The following HDAC4 variants were observed in gnomAD, a reference collection of about 807,000 sequenced individuals.
HDAC4 encodes the protein histone deacetylase A.
Under a neutral mutation model 135.1 loss-of-function variants are expected in HDAC4, and 16 were observed. The ratio of observed to expected loss-of-function variants is 0.12; its 90% CI spans 0.08 to 0.18. HDAC4 has a LOEUF of 0.18. Ranked by LOEUF, HDAC4 falls within the 10% of genes least tolerant of loss-of-function variation. The probability of loss-of-function intolerance (pLI) is 1.00; values close to 1 mark genes in which losing one functional copy is unlikely to be tolerated. For missense variants in HDAC4, 1,143 were observed against 1,511.8 expected (o/e 0.76, Z 4.05); for synonymous variants, 685 against 653.4 (o/e 1.05, Z -0.74).
Position 239,144,721 on chromosome 2 carries a change from A to G in HDAC4, c.734-7T>C, listed in dbSNP as rs2290087. On this transcript the variant is annotated splice_polypyrimidine_tract_variant and splice_region_variant and intron_variant, in intron 7 of 26. Transcript: ENST00000543185. ...TTCAGATTCGGTTCAGAAGCTGCAC[A>G]AAAAGGAGATGTCATTACAGCCAGG... 0.87 allele frequency: 1,401,348 copies of G among 1,613,828 alleles called. 610,619 individuals are homozygous for G. The highest frequency in any genetic ancestry group is 0.97 in the African/African-American group (72,602 of 75,034).
intron 1 of HDAC4, among the ~76,000 whole-genome samples, chr2:239,363,205 G>C (rs1426221220): frequency 6.6e-6 from 1 of 152,210 alleles, no homozygotes; most frequent in Non-Finnish European, 1.5e-5. Context: ...AAACCCCAAT[G>C]AGATTCCGAT....
intron 1 of HDAC4, among the ~76,000 whole-genome samples, chr2:239,363,079 A>T (rs747127364): frequency 6.6e-6 from 1 of 152,220 alleles, no homozygotes; most frequent in South Asian, 2.1e-4. Context: ...ATATTAGCAA[A>T]TATCCAGTAC....
At chr2:239,282,219 T>TGC (rs2050814286) in intron 2 of HDAC4, among the ~76,000 whole-genome samples, 1 of 113,002 alleles carries the variant, frequency 8.8e-6, no homozygotes, top group Non-Finnish European at 1.8e-5. Flanking sequence ...CACACCTCTC[T>TGC]ACACAATGTA....
At chr2:239,113,094 C>G (rs566804029) in intron 13 of HDAC4, among the ~76,000 whole-genome samples, 1 of 152,046 alleles carries the variant, frequency 6.6e-6, no homozygotes, top group Admixed American at 6.6e-5. Context: ...AACAAACAAA[C>G]AAAAAATTAG....
At chr2:239,264,963 C>A (rs1157295850) in intron 2 of HDAC4, among the ~76,000 whole-genome samples, 3 of 152,164 alleles carry the variant, frequency 2.0e-5, no homozygotes, top group Non-Finnish European at 4.4e-5. Flanking sequence ...TTCAGAGAAC[C>A]CTGAAGATGG....
chr2:239,214,148 A>G (rs1378455194), intron 3 of HDAC4, among the ~76,000 whole-genome samples: 2 of 152,202 alleles, frequency 1.3e-5, no homozygotes, highest in African/African-American at 4.8e-5. Flanking sequence ...TTACGGAGCG[A>G]AAGTCAGAAA....
intron 2 of HDAC4, among the ~76,000 whole-genome samples, chr2:239,281,278 ACACAC>A (rs1369039118): frequency 0.13 from 18,673 of 146,236 alleles, 2,321 homozygotes; most frequent in Non-Finnish European, 0.17. Flanking sequence ...CACACAATGA[ACACAC>A]CACTCTACAA....
Position 239,139,777 on chromosome 2 carries a change from G to C in HDAC4, c.885C>G (p.Ala295=). Residue 295 remains alanine, a synonymous_variant, in exon 9 of 27, where the codon GCC becomes GCG. Transcript: ENST00000543185. The surrounding 1 kb of genome is among the most constrained non-coding windows in gnomAD (Gnocchi z 5.3). ...TGGGTGAGCTGGGTCCGGAGCCTGGGGCGCTGCTGCACGCGGAGTCTGCGG... is the reference window on the plus strand; with the variant it reads ...TGGGTGAGCTGGGTCCGGAGCCTGGCGCGCTGCTGCACGCGGAGTCTGCGG... ...LDVTDSACSS[A]PGSGPSSPNN... 1 of 1,614,066 alleles carries C rather than the reference G, an allele frequency of 6.2e-7. No homozygotes were observed.
At chr2:239,082,441 C>T (rs1361694057) in intron 20 of HDAC4, among the ~76,000 whole-genome samples, 3 of 152,224 alleles carry the variant, frequency 2.0e-5, no homozygotes, top group Admixed American at 1.3e-4. Context: ...GGCCAATGTT[C>T]GCGTCTGCAG....
intron 2 of HDAC4, among the ~76,000 whole-genome samples, chr2:239,293,388 A>G (rs2051649598): frequency 6.6e-6 from 1 of 152,176 alleles, no homozygotes; most frequent in African/African-American, 2.4e-5. Flanking sequence ...AACACCTTGC[A>G]AAACCGCAGG....
intron 16 of HDAC4, among the ~76,000 whole-genome samples, chr2:239,097,297 T>G (rs1020342770): frequency 6.6e-6 from 1 of 152,198 alleles, no homozygotes; most frequent in Admixed American, 6.5e-5. Flanking sequence ...TCAGCAGGCA[T>G]GCCTCGGCCT....
At chr2:239,121,401 C>T (rs1023190624) in intron 12 of HDAC4, among the ~76,000 whole-genome samples, 4 of 152,186 alleles carry the variant, frequency 2.6e-5, no homozygotes, top group Admixed American at 2.0e-4. Flanking sequence ...GTTTCAGGGG[C>T]CCCAAGGCCA....
intron 17 of HDAC4, among the ~76,000 whole-genome samples, chr2:239,090,808 C>T (rs754141573): frequency 2.6e-5 from 4 of 152,196 alleles, no homozygotes; most frequent in African/African-American, 7.2e-5. Flanking sequence ...CTCTGAAATA[C>T]TTCTGGCCCC....
intron 20 of HDAC4, among the ~76,000 whole-genome samples, chr2:239,083,122 A>G (rs2152690935): frequency 6.6e-6 from 1 of 152,380 alleles, no homozygotes; most frequent in South Asian, 2.1e-4. Flanking sequence ...GTGGCTTCAC[A>G]CTGAGATGAC....
chr2:239,054,081 C>T (rs1274853792), intron 25 of HDAC4, among the ~76,000 whole-genome samples: 2 of 151,996 alleles, frequency 1.3e-5, no homozygotes, highest in Non-Finnish European at 2.9e-5. Context: ...ATGTGGAGGG[C>T]TGGGCCTGGC....
intron 15 of HDAC4, among the ~76,000 whole-genome samples, chr2:239,103,987 GAAC>G (rs1376229299): frequency 3.3e-5 from 5 of 151,140 alleles, no homozygotes; most frequent in East Asian, 2.0e-4. Context: ...CTCTTCTCAT[GAAC>G]AACAATTCCA....
chr2:239,286,466 T>C (rs2051142533), intron 2 of HDAC4, among the ~76,000 whole-genome samples: 1 of 150,944 alleles, frequency 6.6e-6, no homozygotes, highest in Admixed American at 6.6e-5. Context: ...CCAAGGAGAG[T>C]TGAAAACCCA....
At chr2:239,094,084 ACACTG>A (rs1183002720) in intron 17 of HDAC4, 1 of 985,318 alleles carries the variant, frequency 1.0e-6, no homozygotes, top group Non-Finnish European at 1.2e-6. Flanking sequence ...GATTACACAC[ACACTG>A]CACCGTTTCG....
intron 8 of HDAC4, among the ~76,000 whole-genome samples, chr2:239,143,492 G>A (rs2041543626): frequency 6.6e-6 from 1 of 152,212 alleles, no homozygotes; most frequent in African/African-American, 2.4e-5. Context: ...CCAGAGGAAA[G>A]AAACCTACAT....
Sources: allele counts gnomAD v4.1 joint callset (sites outside exome capture counted in the v4.1 genomes callset), GRCh38; gene constraint gnomAD v4.1.1; non-coding constraint Gnocchi (gnomAD v3.1); transcripts MANE v1.5; gene names NCBI Gene and HGNC (gene_info 2026-07-23, HGNC 2026-07-21).